Variants in GALNTL6 observed in about 807,000 individuals in gnomAD.
The protein encoded by GALNTL6 is polypeptide N-acetylgalactosaminyltransferase like 6, also known as polypeptide N-acetylgalactosaminyltransferase-like 6.
Under a neutral mutation model 73.7 loss-of-function variants are expected in GALNTL6, and 46 were observed. The observed-to-expected ratio is 0.62, with a 90% CI of 0.49 to 0.80. The LOEUF (loss-of-function observed/expected upper bound fraction) is 0.80, where lower values mean the gene tolerates loss of function less well. Among genes scored for constraint, GALNTL6 ranks in the 30% least tolerant of loss-of-function variants. The pLI, the probability that GALNTL6 is intolerant of heterozygous loss-of-function variation, is 0.00. For synonymous variants in GALNTL6, 259 were observed against 263.7 expected, an observed-to-expected ratio of 0.98 and a Z score of 0.17; for missense variants, 604 against 755.0, an observed-to-expected ratio of 0.80 and a Z score of 2.34.
intron 5 of GALNTL6, among the ~76,000 whole-genome samples, chr4:172,675,673 G>T (rs1425731961): frequency 6.6e-6 from 1 of 152,172 alleles, no homozygotes; most frequent in African/African-American, 2.4e-5. Flanking sequence ...TAAATGCATG[G>T]CCCAAAGTCA....
At chr4:172,628,708 A>G (rs1479105131) in intron 5 of GALNTL6, among the ~76,000 whole-genome samples, 1 of 152,242 alleles carries the variant, frequency 6.6e-6, no homozygotes, top group East Asian at 1.9e-4. Context: ...AAGGGCTCAC[A>G]ATTGATATTG....
intron 7 of GALNTL6, among the ~76,000 whole-genome samples, chr4:172,843,243 A>C (rs550381800): frequency 6.6e-6 from 1 of 152,258 alleles, no homozygotes; most frequent in African/African-American, 2.4e-5. Flanking sequence ...TTAGAGGCTA[A>C]AATGTCTGCC....
intron 10 of GALNTL6, among the ~76,000 whole-genome samples, chr4:172,979,532 C>A: frequency 6.6e-6 from 1 of 152,204 alleles, no homozygotes. Flanking sequence ...CTGAGTAGAG[C>A]AATGCAAGAG....
chr4:172,235,288 A>G (rs563454457), intron 3 of GALNTL6, among the ~76,000 whole-genome samples: 1 of 150,998 alleles, frequency 6.6e-6, no homozygotes, highest in Non-Finnish European at 1.5e-5. Flanking sequence ...GCTCACTGCA[A>G]CCTTCACCTG....
chr4:172,690,040 A>C (rs543534262), intron 5 of GALNTL6, among the ~76,000 whole-genome samples: 4 of 152,342 alleles, frequency 2.6e-5, no homozygotes, highest in African/African-American at 9.6e-5. Flanking sequence ...CAGACTAAGA[A>C]GTAATGTGAC....
rs116121487 is a variant in GALNTL6 at position 172,199,096 on chromosome 4, G to T, written c.139-30560G>T. Reference sequence around the variant, plus strand: ...ACCCCTGTTGGATTCCTTGAGAGCAGACTGTGGTAGCCACCGTTTTATCCT... The same window carrying T: ...ACCCCTGTTGGATTCCTTGAGAGCATACTGTGGTAGCCACCGTTTTATCCT... On this transcript the variant is annotated intron_variant, in intron 2 of 12. Transcript: ENST00000506823. Among the ~76,000 whole-genome samples the T allele has an allele frequency of 4.2e-3, 633 of 152,268 alleles. 3 individuals are homozygous for T. Among genetic ancestry groups the T allele is most frequent in the African/African-American group, 0.014 (591 of 41,550 alleles).
intron 5 of GALNTL6, among the ~76,000 whole-genome samples, chr4:172,572,645 C>T (rs575659062): frequency 9.9e-4 from 150 of 152,208 alleles, no homozygotes; most frequent in African/African-American, 3.4e-3. Context: ...AAGTTCCAAC[C>T]GTCTCAAACC....
intron 5 of GALNTL6, among the ~76,000 whole-genome samples, chr4:172,556,828 A>G (rs1375900134): frequency 1.3e-5 from 2 of 152,056 alleles, no homozygotes; most frequent in Non-Finnish European, 2.9e-5. Flanking sequence ...TTGAGCAATA[A>G]AGAGATGATA....
At chr4:172,161,503 A>G (rs1560948014) in intron 2 of GALNTL6, among the ~76,000 whole-genome samples, 1 of 152,054 alleles carries the variant, frequency 6.6e-6, no homozygotes. Flanking sequence ...CAGTACAGAG[A>G]AACCATTTTG....
At chr4:171,853,476 T>C (rs1388004124) in intron 2 of GALNTL6, among the ~76,000 whole-genome samples, 1 of 151,436 alleles carries the variant, frequency 6.6e-6, no homozygotes, top group South Asian at 2.1e-4. Flanking sequence ...TTCTTTTTTT[T>C]CTGTTCTTTC....
intron 2 of GALNTL6, among the ~76,000 whole-genome samples, chr4:172,121,557 G>T (rs1364014684): frequency 6.6e-6 from 1 of 152,110 alleles, no homozygotes; most frequent in Non-Finnish European, 1.5e-5. Context: ...TTGGTGCCTA[G>T]ATGAACCTGT....
At position 172,198,135 on chromosome 4, in the gene GALNTL6, A is replaced by G. The variant is rs144373976; in HGVS notation, c.139-31521A>G. Among the ~76,000 whole-genome samples, 214 of 152,134 alleles carry G rather than the reference A, an allele frequency of 1.4e-3. 1 individual carries two copies. Among genetic ancestry groups the G allele is most frequent in the African/African-American group, 4.4e-3 (183 of 41,524 alleles). ...AAAAAACAAACAAACAAAACCCCCAAAACTATAAAATCCTTAGAAAATTTA... is the reference window on the plus strand; with the variant it reads ...AAAAAACAAACAAACAAAACCCCCAGAACTATAAAATCCTTAGAAAATTTA... On this transcript the variant is annotated intron_variant, in intron 2 of 12. Coordinates refer to ENST00000506823, the MANE Select transcript of GALNTL6 (RefSeq NM_001034845.3).
At chr4:171,814,216 A>G (rs1734460410) in intron 1 of GALNTL6, among the ~76,000 whole-genome samples, 196 bp from the exon 2 acceptor site, 1 of 152,266 alleles carries the variant, frequency 6.6e-6, no homozygotes, top group East Asian at 1.9e-4. Context: ...CAGTTACCTA[A>G]GTATCTAGCA....
rs397933315 is a variant in GALNTL6 at position 172,552,837 on chromosome 4, T to TAAAAAAAAAAAAAAAAAA, written c.553+204151_553+204168dup. On this transcript the variant is annotated intron_variant, in intron 5 of 12. Transcript: ENST00000506823. ...TAGGCTGGTGCAAAAGTAATTGCAG[T>TAAAAAAAAAAAAAAAAAA]AAAAAAAAAAAAAAAAAAAAGGTAA... Among the ~76,000 whole-genome samples the TAAAAAAAAAAAAAAAAAA allele has an allele frequency of 6.1e-4, 49 of 80,392 alleles. 2 individuals are homozygous for TAAAAAAAAAAAAAAAAAA. Among genetic ancestry groups the TAAAAAAAAAAAAAAAAAA allele is most frequent in the African/African-American group, 1.1e-3 (18 of 16,992 alleles). The allele number at this position is 80,392 out of a possible 152,430, so 52.7% of individuals were successfully genotyped here.
chr4:173,024,683 C>T (rs955767524), intron 12 of GALNTL6, among the ~76,000 whole-genome samples: 1 of 152,118 alleles, frequency 6.6e-6, no homozygotes, highest in Non-Finnish European at 1.5e-5. Flanking sequence ...CAGGTTCAGG[C>T]GATTCTCCTG....
At chr4:172,736,490 T>A (rs1410283507) in intron 5 of GALNTL6, among the ~76,000 whole-genome samples, 1 of 152,222 alleles carries the variant, frequency 6.6e-6, no homozygotes, top group African/African-American at 2.4e-5. Flanking sequence ...GTGCCCAGAT[T>A]TCACATTGTT....
chr4:172,898,465 A>G (rs1212914366), intron 8 of GALNTL6, among the ~76,000 whole-genome samples: 2 of 150,726 alleles, frequency 1.3e-5, no homozygotes, highest in Non-Finnish European at 3.0e-5. Context: ...AAAAAAAAAG[A>G]TCTCATAAAA....
At chr4:172,952,015 T>A (rs779363439) in intron 9 of GALNTL6, 22 bp from the exon 10 acceptor site, 9 of 1,415,094 alleles carry the variant, frequency 6.4e-6, no homozygotes, top group Admixed American at 5.2e-5. Context: ...ATAAATGACA[T>A]TTTTGTTTTC....
chr4:171,940,212 C>G (rs944920689), intron 2 of GALNTL6, among the ~76,000 whole-genome samples: 1 of 151,810 alleles, frequency 6.6e-6, no homozygotes, highest in Non-Finnish European at 1.5e-5. Context: ...GAGAAAACAT[C>G]ATATTGTGTC....
Sources: allele counts gnomAD v4.1 joint callset (sites outside exome capture counted in the v4.1 genomes callset), GRCh38; gene constraint gnomAD v4.1.1; transcripts MANE v1.5; gene names NCBI Gene and HGNC (gene_info 2026-07-23, HGNC 2026-07-21).